Variants in HPSE2 observed in about 807,000 individuals in gnomAD.
The protein encoded by HPSE2 is heparanase 2 (inactive).
HPSE2 carries 38 observed loss-of-function variants against 60.5 expected under a neutral mutation model. The ratio of observed to expected loss-of-function variants is 0.63; its 90% CI spans 0.48 to 0.82. The LOEUF (loss-of-function observed/expected upper bound fraction) is 0.82, where lower values mean the gene tolerates loss of function less well. HPSE2 is among the 40% of genes least tolerant of loss of function. HPSE2 has a pLI of 0.00. For synonymous variants in HPSE2, 295 were observed against 293.2 expected (o/e 1.01, Z -0.06); for missense variants, 713 against 740.4 (o/e 0.96, Z 0.43).
intron 3 of HPSE2, among the ~76,000 whole-genome samples, chr10:99,094,079 C>G (rs1843613875): frequency 6.6e-6 from 1 of 152,108 alleles, no homozygotes; most frequent in African/African-American, 2.4e-5. Flanking sequence ...TTCACAGTTT[C>G]TAATATTTTG....
intron 3 of HPSE2, among the ~76,000 whole-genome samples, chr10:99,015,766 T>C (rs981932895): frequency 1.3e-5 from 2 of 152,156 alleles, no homozygotes; most frequent in Admixed American, 6.5e-5. Flanking sequence ...CATGTATACA[T>C]ATGTAACTAA....
chr10:98,672,365 T>C (rs1253267361), intron 6 of HPSE2, among the ~76,000 whole-genome samples: 1 of 152,202 alleles, frequency 6.6e-6, no homozygotes, highest in Non-Finnish European at 1.5e-5. Context: ...CTCTAGACAA[T>C]AACGAAATTA....
chr10:99,236,296 A>C (rs1370771459), upstream of HPSE2, among the ~76,000 whole-genome samples: 1 of 152,028 alleles, frequency 6.6e-6, no homozygotes, highest in East Asian at 1.9e-4. Flanking sequence ...GGTACAGAGC[A>C]AAGGGTCTCG....
At chr10:98,927,788 T>G (rs9420747) in intron 3 of HPSE2, among the ~76,000 whole-genome samples, 76 of 147,934 alleles carry the variant, frequency 5.1e-4, no homozygotes, top group Admixed American at 2.1e-3. Context: ...TAGCCATATG[T>G]AGAAAGCTGA....
At chr10:98,575,410 CTCA>C in intron 9 of HPSE2, among the ~76,000 whole-genome samples, 1 of 152,290 alleles carries the variant, frequency 6.6e-6, no homozygotes, top group South Asian at 2.1e-4. Context: ...TAAGATAGAA[CTCA>C]TCAATTCTAA....
intron 3 of HPSE2, among the ~76,000 whole-genome samples, chr10:99,091,129 A>C (rs986081545): frequency 1.3e-5 from 2 of 152,158 alleles, no homozygotes; most frequent in Non-Finnish European, 2.9e-5. Flanking sequence ...TGAAAGATCA[A>C]CATTTCTACC....
intron 3 of HPSE2, among the ~76,000 whole-genome samples, chr10:98,785,649 A>G (rs1950554232): frequency 6.7e-6 from 1 of 148,202 alleles, no homozygotes; most frequent in Non-Finnish European, 1.5e-5. Context: ...CAGAGAGTCA[A>G]CTTCTTCCTG....
At chr10:99,271,101 C>T in the HPSE2 span, among the ~76,000 whole-genome samples, 2 of 152,150 alleles carry the variant, frequency 1.3e-5, no homozygotes, top group African/African-American at 2.4e-5. Flanking sequence ...ACTCTCACCA[C>T]TTCTATTCAA....
At chr10:98,936,744 G>T (rs1430521189) in intron 3 of HPSE2, among the ~76,000 whole-genome samples, 1 of 142,558 alleles carries the variant, frequency 7.0e-6, no homozygotes, top group Non-Finnish European at 1.5e-5. Context: ...ACTTTGGGAG[G>T]CCGAGGTGGG....
chr10:99,132,162 AAAG>A (rs1564832437), intron 3 of HPSE2, among the ~76,000 whole-genome samples: 7 of 5,310 alleles, frequency 1.3e-3, no homozygotes, highest in Non-Finnish European at 7.0e-3. Context: ...AGAAAGAAAG[AAAG>A]AAAGAAAGAA....
At chr10:99,137,824 G>A (rs1845717894) in intron 3 of HPSE2, among the ~76,000 whole-genome samples, 1 of 152,176 alleles carries the variant, frequency 6.6e-6, no homozygotes, top group Non-Finnish European at 1.5e-5. Flanking sequence ...TCAGGACGTA[G>A]GCATGGGCAA....
In HPSE2 at chr10:98,896,841, G is replaced by T. The variant is rs78364439; in HGVS notation, c.611-152785C>A. ...GATAAAACTCTGTGACCACAAATTT[G>T]GTAACTTATATGAAATGGATCAATT... On this transcript the variant is annotated intron_variant, in intron 3 of 11. Transcript: ENST00000370552. Among the ~76,000 whole-genome samples the T allele has an allele frequency of 5.3e-3, 803 of 152,174 alleles. 8 individuals are homozygous for T. Among genetic ancestry groups the T allele is most frequent in the African/African-American group, 0.018 (735 of 41,522 alleles).
chr10:99,140,924 C>G (rs1473985316), intron 3 of HPSE2, among the ~76,000 whole-genome samples: 2 of 152,118 alleles, frequency 1.3e-5, no homozygotes, highest in African/African-American at 4.8e-5. Flanking sequence ...GTGGTCCCAG[C>G]TACTCCGGAG....
At chr10:98,891,013 T>C (rs997601418) in intron 3 of HPSE2, among the ~76,000 whole-genome samples, 5 of 152,230 alleles carry the variant, frequency 3.3e-5, no homozygotes, top group Non-Finnish European at 7.3e-5. Context: ...GTCACTATAT[T>C]TTCTGATAGG....
intron 2 of HPSE2, among the ~76,000 whole-genome samples, chr10:99,194,135 A>G (rs1848314977): frequency 6.6e-6 from 1 of 152,116 alleles, no homozygotes; most frequent in South Asian, 2.1e-4. Context: ...TTTGAAACAT[A>G]GAACACATGG....
chr10:98,886,715 G>A (rs893152813), intron 3 of HPSE2, among the ~76,000 whole-genome samples: 1 of 152,124 alleles, frequency 6.6e-6, no homozygotes, highest in Non-Finnish European at 1.5e-5. Flanking sequence ...AAGCTAATCA[G>A]TAGTGGAGAT....
At chr10:99,281,288 ATAAG>A in the HPSE2 span, among the ~76,000 whole-genome samples, 8 of 148,642 alleles carry the variant, frequency 5.4e-5, no homozygotes, top group African/African-American at 9.8e-5. Context: ...TATACATTGT[ATAAG>A]TAATATGTTA....
intron 3 of HPSE2, among the ~76,000 whole-genome samples, chr10:99,040,984 G>A (rs1030438754): frequency 6.6e-6 from 1 of 152,090 alleles, no homozygotes; most frequent in African/African-American, 2.4e-5. Flanking sequence ...CTACTCCGGA[G>A]GCCGAGGCAG....
chr10:98,999,148 A>G (rs187457701), intron 3 of HPSE2, among the ~76,000 whole-genome samples: 1 of 145,438 alleles, frequency 6.9e-6, no homozygotes, highest in Non-Finnish European at 1.5e-5. Context: ...GCTAAGTGGT[A>G]TAGACTACGT....
Sources: gnomAD v4.1 joint callset for allele counts (sites outside exome capture counted in the v4.1 genomes callset) on GRCh38, gnomAD v4.1.1 for gene constraint, MANE v1.5 for transcripts, NCBI Gene and HGNC (gene_info 2026-07-23, HGNC 2026-07-21) for gene names.